Variants in IPO11 observed in about 807,000 individuals in gnomAD.
IPO11 encodes importin 11.
Under a neutral mutation model 143.2 loss-of-function variants are expected in IPO11, and 66 were observed. The ratio of observed to expected loss-of-function variants is 0.46; its 90% CI spans 0.38 to 0.57. The LOEUF is 0.57. Ranked by LOEUF, IPO11 falls within the 20% of genes least tolerant of loss-of-function variation. The pLI is 0.00. For synonymous variants in IPO11, 385 were observed against 377.8 expected, an observed-to-expected ratio of 1.02 and a Z score of -0.22; for missense variants, 1,026 against 1,141.0, an observed-to-expected ratio of 0.90 and a Z score of 1.45.
intron 20 of IPO11, among the ~76,000 whole-genome samples, chr5:62,515,926 T>C (rs1741996645): frequency 1.3e-5 from 2 of 152,192 alleles, no homozygotes; most frequent in South Asian, 4.1e-4. Flanking sequence ...GACAAGTGAA[T>C]TGGATCTCAG....
chr5:62,453,426 G>C (rs1391470263), intron 5 of IPO11, among the ~76,000 whole-genome samples: 1 of 151,046 alleles, frequency 6.6e-6, no homozygotes, highest in East Asian at 1.9e-4. Context: ...GCATGTGGAA[G>C]AGAAGGGATG....
At chr5:62,476,832 C>A (rs1745976830) in intron 9 of IPO11, 79 bp downstream of exon 9, 3 of 1,339,068 alleles carry the variant, frequency 2.2e-6, no homozygotes, top group Non-Finnish European at 3.0e-6. Flanking sequence ...TTTTTATAAC[C>A]ATACATTTTC....
chr5:62,479,649 A>G (rs1746109067), intron 9 of IPO11, among the ~76,000 whole-genome samples: 1 of 152,166 alleles, frequency 6.6e-6, no homozygotes, highest in African/African-American at 2.4e-5. Flanking sequence ...GTGAGATGGT[A>G]TCTCATTGTG....
chr5:62,537,181 C>G, intron 23 of IPO11, 28 bp from the exon 24 acceptor site: 2 of 1,313,994 alleles, frequency 1.5e-6, no homozygotes, highest in Non-Finnish European at 2.2e-6. Context: ...TATATTCTTA[C>G]ATATATTGAC....
intron 4 of IPO11, among the ~76,000 whole-genome samples, chr5:62,450,859 A>T (rs1561316112): frequency 6.6e-6 from 1 of 152,144 alleles, no homozygotes. Flanking sequence ...TTTTTTCAAG[A>T]TAATACTTGG....
At chr5:62,451,983 G>A (rs1744944949) in intron 5 of IPO11, 50 bp downstream of exon 5, 1 of 1,477,712 alleles carries the variant, frequency 6.8e-7, no homozygotes. Flanking sequence ...GTGCGGCCGG[G>A]CGTGGTGGCT....
chr5:62,607,097 C>T (rs141216178), intron 29 of IPO11, among the ~76,000 whole-genome samples: 7 of 152,292 alleles, frequency 4.6e-5, no homozygotes, highest in African/African-American at 1.7e-4. Context: ...TCAGAGCCTA[C>T]ACATAGCTAA....
At chr5:62,606,412 G>A (rs1290342787) in intron 29 of IPO11, among the ~76,000 whole-genome samples, 1 of 147,150 alleles carries the variant, frequency 6.8e-6, no homozygotes, top group Non-Finnish European at 1.5e-5. Flanking sequence ...CATGGGAGAC[G>A]GAGGTTGCAG....
rs868347575 is a variant in IPO11, at chr5:62,514,007, A to G, written c.1783-1381A>G. Reference sequence around the variant, plus strand: ...TCTCAGACGATGGGCTGCCGGGCAGAGACGCTCCTCACTTCCTAGATGGGA... The same window carrying G: ...TCTCAGACGATGGGCTGCCGGGCAGGGACGCTCCTCACTTCCTAGATGGGA... On this transcript the variant is annotated intron_variant, in intron 19 of 29. Transcript: ENST00000325324. Among the ~76,000 whole-genome samples, 130 of 149,754 alleles carry G rather than the reference A, an allele frequency of 8.7e-4. 2 individuals are homozygous for G. The highest frequency in any genetic ancestry group is 3.1e-3 in the African/African-American group (123 of 40,222).
intron 24 of IPO11, among the ~76,000 whole-genome samples, chr5:62,544,793 T>G (rs989504820): frequency 6.6e-6 from 1 of 152,108 alleles, no homozygotes; most frequent in Non-Finnish European, 1.5e-5. Flanking sequence ...CACAAGCATT[T>G]TTATACACCA....
chr5:62,485,491 AG>A (rs1330198789), intron 12 of IPO11, 29 bp downstream of exon 12: 1 of 1,531,902 alleles, frequency 6.5e-7, no homozygotes, highest in Non-Finnish European at 9.0e-7. Context: ...AAAAATTGAT[AG>A]GGGAAAGCTT....
intron 28 of IPO11, among the ~76,000 whole-genome samples, chr5:62,597,283 T>C (rs939150518): frequency 3.9e-5 from 6 of 152,184 alleles, no homozygotes; most frequent in Non-Finnish European, 2.9e-5. Context: ...AGGAATTACA[T>C]GGGTCTTATT....
Position 62,613,274 on chromosome 5 carries a change from A to G in IPO11, c.2763+11426A>G, listed in dbSNP as rs574802630. On this transcript the variant is annotated intron_variant, in intron 29 of 29. Coordinates refer to ENST00000325324, the MANE Select transcript of IPO11 (RefSeq NM_016338.5). ...TTATTTCCCAAGAATAGCCATAATA[A>G]TATCTCCTATTCCACATGCTCTTCT... is the stretch of plus-strand genomic sequence containing the variant. 8.9e-5 allele frequency among the ~76,000 whole-genome samples: 13 copies of G among 146,150 alleles called. No individual in the cohort carries two copies. In the South Asian group the frequency reaches 2.6e-3, roughly 29 times the overall value.
At position 62,489,367 on chromosome 5, in the gene IPO11, G is replaced by A; in HGVS notation, c.1357+18G>A. 1.3e-6 allele frequency: 2 copies of A among 1,527,350 alleles called. No individual in the cohort carries two copies. Among genetic ancestry groups the A allele is most frequent in the Non-Finnish European group, 1.8e-6 (2 of 1,123,776 alleles). 94.6% of individuals were successfully genotyped at this position (1,527,350 alleles called of 1,614,324 possible). A position where few individuals can be genotyped will look rare whatever the true frequency, so the allele number is the denominator to read the frequency against. Reference sequence around the variant, plus strand: ...AGATGCTGGTATGTTAAACTTAAGTGATTTAGAAGCATTTATTTATTCAGT... The same window carrying A: ...AGATGCTGGTATGTTAAACTTAAGTAATTTAGAAGCATTTATTTATTCAGT... On this transcript the variant is annotated intron_variant, in intron 14 of 29. Transcript: ENST00000325324.
intron 4 of IPO11, among the ~76,000 whole-genome samples, chr5:62,450,327 G>A (rs1744865686): frequency 6.6e-6 from 1 of 152,142 alleles, no homozygotes; most frequent in African/African-American, 2.4e-5. Context: ...TGGACTGCAT[G>A]TATAATCGTG....
At chr5:62,465,470 G>C (rs1478616372) in intron 5 of IPO11, among the ~76,000 whole-genome samples, 1 of 152,096 alleles carries the variant, frequency 6.6e-6, no homozygotes, top group African/African-American at 2.4e-5. Flanking sequence ...CCTTCTATCA[G>C]AGTGAATGTT....
chr5:62,569,973 G>A (rs769654258), intron 27 of IPO11, among the ~76,000 whole-genome samples: 1 of 151,980 alleles, frequency 6.6e-6, no homozygotes, highest in Non-Finnish European at 1.5e-5. Context: ...TTTATTTTTT[G>A]TATAAGCTAT....
At chr5:62,468,847 C>G (rs1169052309) in intron 6 of IPO11, among the ~76,000 whole-genome samples, 1 of 152,166 alleles carries the variant, frequency 6.6e-6, no homozygotes. Context: ...CATTTCTGTT[C>G]TGAAATGAAG....
intron 19 of IPO11, among the ~76,000 whole-genome samples, chr5:62,512,707 A>G (rs1383506996): frequency 1.4e-5 from 2 of 143,752 alleles, no homozygotes; most frequent in Non-Finnish European, 3.1e-5. Flanking sequence ...GCAGACAAAC[A>G]AGTGAACAAA....
Sources: allele counts gnomAD v4.1 joint callset (sites outside exome capture counted in the v4.1 genomes callset), GRCh38; gene constraint gnomAD v4.1.1; transcripts MANE v1.5; gene names NCBI Gene and HGNC (gene_info 2026-07-23, HGNC 2026-07-21).